Variants in PDZD2 observed in about 807,000 individuals in gnomAD.
PDZD2 encodes PDZ domain containing 2.
Under a neutral mutation model 220.7 loss-of-function variants are expected in PDZD2, and 90 were observed. The observed-to-expected ratio is 0.41, with a 90% CI of 0.34 to 0.49. The LOEUF (loss-of-function observed/expected upper bound fraction) is 0.49. Among genes scored for constraint, PDZD2 ranks in the 20% least tolerant of loss-of-function variants. The pLI is 0.28. For synonymous variants in PDZD2, 1,375 were observed against 1,450.5 expected, an observed-to-expected ratio of 0.95 and a Z score of 1.18; for missense variants, 3,174 against 3,608.5, an observed-to-expected ratio of 0.88 and a Z score of 3.08.
In PDZD2 at chr5:31,953,590, G is replaced by A. The variant is rs547353701; in HGVS notation, c.477-29565G>A. On this transcript the variant is annotated intron_variant, in intron 2 of 24. Transcript: ENST00000438447. ...TACACTTTAGGAGACCAAGATGAGA[G>A]GATTGCTTGAGCCCAGGAGTTCAAG... Among the ~76,000 whole-genome samples the A allele has an allele frequency of 1.3e-5, 2 of 151,982 alleles. 1 individual carries two copies. Among genetic ancestry groups the A allele is most frequent in the South Asian group, 4.2e-4 (2 of 4,814 alleles).
At chr5:31,960,440 C>T (rs1354898571) in intron 2 of PDZD2, among the ~76,000 whole-genome samples, 1 of 152,156 alleles carries the variant, frequency 6.6e-6, no homozygotes, top group Non-Finnish European at 1.5e-5. Context: ...GAACTCCTGA[C>T]CTCAGGTGGT....
intron 18 of PDZD2, among the ~76,000 whole-genome samples, chr5:32,076,739 C>G (rs890934066): frequency 1.3e-5 from 2 of 152,178 alleles, no homozygotes; most frequent in African/African-American, 4.8e-5. Context: ...TGAAACTCCT[C>G]TACTGTTTTT....
At chr5:31,727,983 A>G (rs1433954283) in intron 1 of PDZD2, among the ~76,000 whole-genome samples, 4 of 142,126 alleles carry the variant, frequency 2.8e-5, no homozygotes, top group Non-Finnish European at 3.0e-5. Context: ...AGCCTGGGCC[A>G]CAGAGCCAGA....
intron 13 of PDZD2, 80 bp downstream of exon 13, chr5:32,059,436 C>A (rs1739468949): frequency 2.9e-6 from 2 of 685,570 alleles, no homozygotes; most frequent in Non-Finnish European, 5.0e-6. Flanking sequence ...TGTTCTATTA[C>A]TTCCCTTTGA....
chr5:31,823,038 G>T, intron 2 of PDZD2: 1 of 1,169,440 alleles, frequency 8.6e-7, no homozygotes, highest in South Asian at 1.2e-5. Flanking sequence ...CCCTCCGCAG[G>T]GTTCCTCTGG....
chr5:32,007,148 G>C (rs536903019), intron 5 of PDZD2, among the ~76,000 whole-genome samples: 60 of 151,740 alleles, frequency 4.0e-4, no homozygotes, highest in Admixed American at 1.2e-3. Flanking sequence ...TCAATCTCCT[G>C]ACCTCGTGAT....
rs146286758 is a variant in PDZD2, at chr5:31,809,239, C to T, written c.476+9515C>T. On this transcript the variant is annotated intron_variant, in intron 2 of 24. Coordinates refer to ENST00000438447, the MANE Select transcript of PDZD2 (RefSeq NM_178140.4). Reference sequence around the variant, plus strand: ...TGACAAGCTGTGAGGATCTGAGGGCCGTCGCCTGCCATCTTGTGGTTGAAA... The same window carrying T: ...TGACAAGCTGTGAGGATCTGAGGGCTGTCGCCTGCCATCTTGTGGTTGAAA... Among the ~76,000 whole-genome samples, 539 of 152,138 alleles carry T rather than the reference C, an allele frequency of 3.5e-3. 5 individuals are homozygous for T. Among genetic ancestry groups the T allele is most frequent in the African/African-American group, 0.012 (512 of 41,502 alleles).
At chr5:31,692,048 C>T (rs542218013) in intron 1 of PDZD2, among the ~76,000 whole-genome samples, 9 of 152,338 alleles carry the variant, frequency 5.9e-5, no homozygotes, top group South Asian at 2.1e-4. Flanking sequence ...TGGGACTGGG[C>T]GCAGTGGAGC....
intron 2 of PDZD2, among the ~76,000 whole-genome samples, chr5:31,972,705 G>A (rs375758046): frequency 2.6e-4 from 39 of 152,298 alleles, no homozygotes; most frequent in South Asian, 1.5e-3. Context: ...AGTGAAATGA[G>A]TTCCTACATA....
chr5:32,037,147 C>A, intron 6 of PDZD2, 84 bp from the exon 7 acceptor site: 1 of 826,020 alleles, frequency 1.2e-6, no homozygotes, highest in Non-Finnish European at 2.0e-6. Flanking sequence ...CTCCTTGAGC[C>A]TTGAGATAAC....
chr5:32,038,615 T>C (rs1002400190), intron 7 of PDZD2, among the ~76,000 whole-genome samples: 4 of 152,188 alleles, frequency 2.6e-5, no homozygotes, highest in African/African-American at 9.7e-5. Context: ...TATTTTTTTT[T>C]CTGCTTATTT....
chr5:31,712,576 A>G (rs1748191119), intron 1 of PDZD2, among the ~76,000 whole-genome samples: 1 of 151,902 alleles, frequency 6.6e-6, no homozygotes, highest in Non-Finnish European at 1.5e-5. Flanking sequence ...GATTTCTTAC[A>G]TGGCAGCTCA....
intron 1 of PDZD2, among the ~76,000 whole-genome samples, chr5:31,704,603 G>A (rs191584003): frequency 2.6e-5 from 4 of 152,300 alleles, no homozygotes. Context: ...AGAAAATACT[G>A]TAATATTCTT....
rs1250576794 is a variant in PDZD2, at chr5:31,975,798, TTTTTATTTA to T, written c.477-7352_477-7344del. Among the ~76,000 whole-genome samples, 38 of 47,606 alleles carry T rather than the reference TTTTTATTTA, an allele frequency of 8.0e-4. 7 individuals carry two copies. The highest frequency in any genetic ancestry group is 7.3e-3 in the East Asian group (9 of 1,240). 31.2% of individuals were successfully genotyped at this position (47,606 alleles called of 152,430 possible). ...CACACTGAAGGTATCAGTCACTTTT[TTTTTATTTA>T]TTTTTTTTTTTTTTGAGACAAGGTC... On this transcript the variant is annotated intron_variant, in intron 2 of 24. Transcript: ENST00000438447.
At position 32,087,150 on chromosome 5, in the gene PDZD2, C is replaced by T. The variant is rs143118363; in HGVS notation, c.3702C>T (p.Asp1234=). The change falls in exon 20 of 25, where the codon GAC becomes GAT. Residue 1234 remains aspartate, a synonymous_variant. Transcript: ENST00000438447. This position sits in a 1 kb window ranked among gnomAD's most constrained non-coding sequence, Gnocchi z 4.0. The part of the protein sequence containing the change: ...QPMTELDSSS[D]LISSPGKKGA... ...ACGTAGAACTGGACAGCTCCTCAGA[C>T]CTCATCTCTTCCCCAGGGAAGAAGG... is the stretch of plus-strand genomic sequence containing the variant. 1,923 of 1,610,692 alleles carry T rather than the reference C, an allele frequency of 1.2e-3. 2 individuals are homozygous for T. The highest frequency in any genetic ancestry group is 1.5e-3 in the Non-Finnish European group (1,770 of 1,177,180).
intron 2 of PDZD2, among the ~76,000 whole-genome samples, chr5:31,915,783 C>T (rs1311135818): frequency 6.6e-6 from 1 of 152,146 alleles, no homozygotes; most frequent in Non-Finnish European, 1.5e-5. Flanking sequence ...AGGTTAATAT[C>T]CACTTGGCCT....
At chr5:31,970,166 A>G (rs1276327399) in intron 2 of PDZD2, among the ~76,000 whole-genome samples, 12 of 152,070 alleles carry the variant, frequency 7.9e-5, no homozygotes, top group Admixed American at 2.6e-4. Context: ...AAGTGCTGGG[A>G]TTACAGACGT....
chr5:31,707,448 G>A (rs1347195563), intron 1 of PDZD2, among the ~76,000 whole-genome samples: 1 of 152,108 alleles, frequency 6.6e-6, no homozygotes, highest in Non-Finnish European at 1.5e-5. Flanking sequence ...AAGCCAGGAG[G>A]AGCCGCCTCA....
At chr5:31,655,467 G>A (rs934856037) in intron 1 of PDZD2, among the ~76,000 whole-genome samples, 1 of 152,158 alleles carries the variant, frequency 6.6e-6, no homozygotes, top group African/African-American at 2.4e-5. Flanking sequence ...CACTGCGCCC[G>A]GCCTAGTTTT....
Sources: gnomAD v4.1 joint callset for allele counts (sites outside exome capture counted in the v4.1 genomes callset) on GRCh38, gnomAD v4.1.1 for gene constraint, Gnocchi (gnomAD v3.1) non-coding constraint, MANE v1.5 for transcripts, NCBI Gene and HGNC (gene_info 2026-07-23, HGNC 2026-07-21) for gene names.